Variants in SEC22A observed in about 807,000 individuals in gnomAD.
SEC22A encodes SEC22 homolog A, vesicle trafficking protein.
In SEC22A, 22 loss-of-function variants were observed where a neutral mutation model predicts 35.3. The observed-to-expected ratio is 0.62, with a 90% confidence interval of 0.45 to 0.89. The LOEUF (loss-of-function observed/expected upper bound fraction) is 0.89, where lower values mean the gene tolerates loss of function less well. Among genes scored for constraint, SEC22A ranks in the 40% least tolerant of loss-of-function variants. The pLI is 0.00. For synonymous variants in SEC22A, 119 were observed against 129.5 expected (o/e 0.92, Z 0.55); for missense variants, 354 against 362.5 (o/e 0.98, Z 0.19).
intron 4 of SEC22A, among the ~76,000 whole-genome samples, chr3:123,245,607 G>A (rs772556636): frequency 2.6e-5 from 4 of 152,070 alleles, no homozygotes; most frequent in African/African-American, 4.8e-5. Context: ...TCTGAGGCAC[G>A]AGGGTCGCTT....
At chr3:123,232,715 A>G (rs1329746146) in intron 4 of SEC22A, among the ~76,000 whole-genome samples, 1 of 152,110 alleles carries the variant, frequency 6.6e-6, no homozygotes, top group Non-Finnish European at 1.5e-5. Context: ...TGAGGCCGGT[A>G]TCATACTAAT....
chr3:123,262,017 A>G (rs1937904668), intron 6 of SEC22A, among the ~76,000 whole-genome samples: 1 of 152,242 alleles, frequency 6.6e-6, no homozygotes. Flanking sequence ...ATTGAAAGGC[A>G]TGAAACTGCC....
Position 123,205,675 on chromosome 3 carries a change from TCAAAACAAAA to T in SEC22A, c.-19-3508_-19-3499del, listed in dbSNP as rs10574423. ...CTGGGCAACAGAGTGAGACCCTGTTTCAAAACAAAACAAAACAAAACAAAAAAACAACAAA... is the reference window on the plus strand; with the variant it reads ...CTGGGCAACAGAGTGAGACCCTGTTTCAAAACAAAACAAAAAAACAACAAA... On this transcript the variant is annotated intron_variant, in intron 1 of 6. Transcript: ENST00000492595. Among the ~76,000 whole-genome samples, 12 of 151,480 alleles carry T rather than the reference TCAAAACAAAA, an allele frequency of 7.9e-5. No individual in the cohort carries two copies. In the South Asian group the frequency reaches 8.3e-4, roughly 11 times the overall value.
At chr3:123,260,161 AAAAAAAAACT>A (rs1937854143) in intron 6 of SEC22A, among the ~76,000 whole-genome samples, 1 of 138,298 alleles carries the variant, frequency 7.2e-6, no homozygotes, top group African/African-American at 2.7e-5. Context: ...AAAAAAAAAA[AAAAAAAAACT>A]ACTAGATTTT....
intron 1 of SEC22A, 29 bp downstream of exon 1, chr3:123,202,015 C>T (rs1418349344): frequency 6.5e-6 from 1 of 152,974 alleles, no homozygotes. Context: ...CAGTCCTCTT[C>T]TTCCTTTCTT....
intron 5 of SEC22A, among the ~76,000 whole-genome samples, chr3:123,255,604 G>C (rs535899959): frequency 6.6e-6 from 1 of 152,180 alleles, no homozygotes; most frequent in African/African-American, 2.4e-5. Context: ...GGGAGATTAT[G>C]TGCCTATGCT....
intron 1 of SEC22A, among the ~76,000 whole-genome samples, chr3:123,206,908 C>T (rs773738821): frequency 3.3e-5 from 5 of 152,106 alleles, no homozygotes; most frequent in Admixed American, 6.6e-5. Context: ...GCCAACATGG[C>T]GAAACCTCAT....
chr3:123,255,922 CTT>C (rs35426251), intron 5 of SEC22A, among the ~76,000 whole-genome samples: 5 of 143,710 alleles, frequency 3.5e-5, no homozygotes, highest in Admixed American at 6.9e-5. Flanking sequence ...TTTCTTCTTT[CTT>C]TTTTTTTTTT....
At chr3:123,259,030 C>G (rs1008902318) in intron 5 of SEC22A, among the ~76,000 whole-genome samples, 1 of 152,098 alleles carries the variant, frequency 6.6e-6, no homozygotes, top group Non-Finnish European at 1.5e-5. Context: ...ATTTAGCACA[C>G]TCTAGTGGAC....
chr3:123,270,263 T>C (rs1276332033), intron 6 of SEC22A, among the ~76,000 whole-genome samples: 1 of 149,880 alleles, frequency 6.7e-6, no homozygotes, highest in Non-Finnish European at 1.5e-5. Flanking sequence ...ATTTTTTCAG[T>C]CTTATATGAT....
chr3:123,232,996 G>GGTAT (rs1937347962), intron 4 of SEC22A, among the ~76,000 whole-genome samples: 1 of 152,104 alleles, frequency 6.6e-6, no homozygotes, highest in Admixed American at 6.5e-5. Flanking sequence ...TTAGCGTGAT[G>GGTAT]GTATGCATGT....
intron 4 of SEC22A, among the ~76,000 whole-genome samples, chr3:123,229,916 T>G (rs1396216355): frequency 6.6e-6 from 1 of 150,404 alleles, no homozygotes; most frequent in African/African-American, 2.4e-5. Flanking sequence ...TGAAAACAAG[T>G]GACCCTAGAA....
chr3:123,256,420 A>G (rs566465228), intron 5 of SEC22A, among the ~76,000 whole-genome samples: 3 of 146,564 alleles, frequency 2.0e-5, no homozygotes, highest in Admixed American at 2.0e-4. Context: ...GTGTCATTCA[A>G]ACGTTGCCTA....
intron 5 of SEC22A, among the ~76,000 whole-genome samples, chr3:123,253,347 A>T (rs1353474873): frequency 6.6e-6 from 1 of 152,224 alleles, no homozygotes; most frequent in African/African-American, 2.4e-5. Context: ...AGCTTCTACA[A>T]AGCAGAAGTC....
chr3:123,228,215 T>A (rs111256423), intron 4 of SEC22A, among the ~76,000 whole-genome samples: 2,774 of 151,788 alleles, frequency 0.018, 48 homozygotes, highest in Non-Finnish European at 0.025. Flanking sequence ...ACCCACATTG[T>A]TACAATATGT....
chr3:123,222,208 T>C (rs995601692), intron 2 of SEC22A, among the ~76,000 whole-genome samples: 6 of 151,136 alleles, frequency 4.0e-5, no homozygotes, highest in African/African-American at 1.2e-4. Context: ...CTTTAGCTTC[T>C]TTTTTTTTAG....
At chr3:123,223,748 TTTA>T in intron 3 of SEC22A, 26 bp downstream of exon 3, 1 of 1,580,990 alleles carries the variant, frequency 6.3e-7, no homozygotes, top group Non-Finnish European at 8.6e-7. Context: ...TTTTTTCCTT[TTTA>T]TTCTGTCTGC....
At chr3:123,246,984 C>G (rs1310702170) in intron 5 of SEC22A, among the ~76,000 whole-genome samples, 1 of 152,184 alleles carries the variant, frequency 6.6e-6, no homozygotes, top group African/African-American at 2.4e-5. Flanking sequence ...ATGGACAGGA[C>G]TTCTTATGAC....
At chr3:123,212,932 C>G (rs1936962099) in intron 2 of SEC22A, among the ~76,000 whole-genome samples, 1 of 152,044 alleles carries the variant, frequency 6.6e-6, no homozygotes, top group Admixed American at 6.6e-5. Context: ...TGGATAAAAA[C>G]ATTGTTTTTC....
Sources: allele counts gnomAD v4.1 joint callset (sites outside exome capture counted in the v4.1 genomes callset), GRCh38; gene constraint gnomAD v4.1.1; transcripts MANE v1.5; gene names NCBI Gene and HGNC (gene_info 2026-07-23, HGNC 2026-07-21).